Variants in MIDEAS observed in about 807,000 individuals in gnomAD.
The protein encoded by MIDEAS is mitotic deacetylase associated SANT domain protein.
In MIDEAS, 26 loss-of-function variants were observed where a neutral mutation model predicts 102.7. That is an observed-to-expected ratio of 0.25 (90% confidence interval 0.19 to 0.35). The LOEUF is 0.35. MIDEAS is among the 10% of genes least tolerant of loss of function. MIDEAS has a pLI of 1.00. For synonymous variants in MIDEAS, 585 were observed against 591.0 expected, an observed-to-expected ratio of 0.99 and a Z score of 0.15; for missense variants, 1,231 against 1,435.6, an observed-to-expected ratio of 0.86 and a Z score of 2.30.
intron 1 of MIDEAS, among the ~76,000 whole-genome samples, chr14:73,771,592 CAG>C (rs992232270): frequency 6.6e-6 from 1 of 152,172 alleles, no homozygotes; most frequent in African/African-American, 2.4e-5. Flanking sequence ...ACCAGATGTC[CAG>C]AGATTCTGAG....
At chr14:73,756,285 TGTGTGTGTGTGCGCGCGCGC>T (rs1241893706) in intron 1 of MIDEAS, among the ~76,000 whole-genome samples, 1 of 97,166 alleles carries the variant, frequency 1.0e-5, no homozygotes, top group Non-Finnish European at 2.1e-5. Context: ...TGTGTGTGTG[TGTGTGTGTGTGCGCGCGCGC>T]GTGCGCGCTG....
intron 1 of MIDEAS, among the ~76,000 whole-genome samples, chr14:73,746,195 C>T (rs1330791422): frequency 1.3e-5 from 2 of 152,232 alleles, no homozygotes; most frequent in African/African-American, 4.8e-5. Context: ...CCCCCATAGC[C>T]CCACAAATGC....
intron 1 of MIDEAS, among the ~76,000 whole-genome samples, chr14:73,752,418 C>T (rs376993968): frequency 6.6e-6 from 1 of 152,180 alleles, no homozygotes; most frequent in Non-Finnish European, 1.5e-5. Flanking sequence ...ACCAAGTCTT[C>T]ATCAACCCAG....
intron 1 of MIDEAS, among the ~76,000 whole-genome samples, chr14:73,775,179 G>A (rs995999161): frequency 6.6e-6 from 1 of 151,902 alleles, no homozygotes; most frequent in East Asian, 1.9e-4. Flanking sequence ...GAGGCCGGCT[G>A]GAACAAAAAG....
chr14:73,770,544 G>A (rs8009224), intron 1 of MIDEAS, among the ~76,000 whole-genome samples: 8,050 of 152,172 alleles, frequency 0.053, 400 homozygotes, highest in African/African-American at 0.14. Flanking sequence ...TGGTGCGGGG[G>A]AGTGCCTACA....
intron 1 of MIDEAS, among the ~76,000 whole-genome samples, chr14:73,748,027 G>A (rs1261720802): frequency 1.3e-5 from 2 of 152,166 alleles, no homozygotes; most frequent in African/African-American, 4.8e-5. Context: ...TAAGTCCATT[G>A]CAGGCAGCAT....
chr14:73,717,617 T>C lies in MIDEAS; in HGVS notation c.*1226A>G, dbSNP rs937618824. The C allele has an allele frequency of 2.6e-5, 4 of 152,554 alleles. No individual in the cohort carries two copies. Among genetic ancestry groups the C allele is most frequent in the Admixed American group, 2.0e-4 (3 of 15,266 alleles). The allele number at this position is 152,554 out of a possible 1,614,324, so 9.5% of individuals were successfully genotyped here. A position where few individuals can be genotyped will look rare whatever the true frequency, so the allele number is the denominator to read the frequency against. On this transcript the variant is annotated 3_prime_UTR_variant, in exon 13 of 13. Coordinates refer to ENST00000423556, the MANE Select transcript of MIDEAS (RefSeq NM_001367710.1). ...GAGGGACCTTAGGGCCTTGGGAATT[T>C]AGGGGGTGGGGATAGGGGATGTCAA...
chr14:73,747,613 G>C (rs2053368845), intron 1 of MIDEAS, among the ~76,000 whole-genome samples: 2 of 150,676 alleles, frequency 1.3e-5, no homozygotes, highest in African/African-American at 2.4e-5. Context: ...CGTCTGTGTG[G>C]ATGTCAAGCA....
At chr14:73,781,900 C>T (rs1198603260) in intron 1 of MIDEAS, among the ~76,000 whole-genome samples, 2 of 151,978 alleles carry the variant, frequency 1.3e-5, no homozygotes, top group African/African-American at 2.4e-5. Flanking sequence ...TTACTAAAAA[C>T]ACAAAAATTA....
At chr14:73,741,352 T>G (rs912590310) in intron 1 of MIDEAS, among the ~76,000 whole-genome samples, 1 of 151,910 alleles carries the variant, frequency 6.6e-6, no homozygotes, top group African/African-American at 2.4e-5. Flanking sequence ...CTCAGAGTGA[T>G]GTTTGGGTTT....
intron 4 of MIDEAS, chr14:73,728,650 T>TA (rs1256587804): frequency 1.3e-5 from 2 of 152,446 alleles, no homozygotes; most frequent in African/African-American, 4.8e-5. Flanking sequence ...AAGGCTTTCA[T>TA]GTCAACTCCC....
At chr14:73,765,349 A>C (rs2053584906) in intron 1 of MIDEAS, among the ~76,000 whole-genome samples, 1 of 152,226 alleles carries the variant, frequency 6.6e-6, no homozygotes, top group Non-Finnish European at 1.5e-5. Context: ...CTTGGCTCAC[A>C]CTAGCTTGAT....
In MIDEAS at chr14:73,719,359, GTC is replaced by G; in HGVS notation, c.3078_3079del (p.Glu1026AspfsTer4). 4 of 1,613,940 alleles carry G rather than the reference GTC, an allele frequency of 2.5e-6. No individual in the cohort carries two copies. The highest frequency in any genetic ancestry group is 3.4e-6 in the Non-Finnish European group (4 of 1,179,982). On this transcript the variant is annotated frameshift_variant, in exon 12 of 13. Transcript: ENST00000423556. LOFTEE classifies it high-confidence loss of function. ...CTCCTGATTCTGGGTCTTACTGAATGTCTCTGTTTTTTTCTTCTTCTCTGAAA... is the reference window on the plus strand; with the variant it reads ...CTCCTGATTCTGGGTCTTACTGAATGTCTGTTTTTTTCTTCTTCTCTGAAA...
intron 7 of MIDEAS, 140 bp from the exon 8 acceptor site, chr14:73,726,248 T>C (rs2053059406): frequency 1.3e-5 from 10 of 749,204 alleles, no homozygotes; most frequent in Non-Finnish European, 1.8e-5. Context: ...AGGGGTCCAC[T>C]GGGGTGGTGA....
At chr14:73,748,352 C>T (rs2053379550) in intron 1 of MIDEAS, among the ~76,000 whole-genome samples, 1 of 152,148 alleles carries the variant, frequency 6.6e-6, no homozygotes, top group African/African-American at 2.4e-5. Context: ...ACACCCTTTA[C>T]ATTCAGAGAT....
At chr14:73,774,969 C>A (rs530047967) in intron 1 of MIDEAS, among the ~76,000 whole-genome samples, 2 of 152,158 alleles carry the variant, frequency 1.3e-5, no homozygotes, top group Non-Finnish European at 1.5e-5. Flanking sequence ...ACCCCAGCAT[C>A]CTGCAGGGGG....
intron 2 of MIDEAS, 106 bp downstream of exon 2, chr14:73,738,454 T>A: frequency 7.3e-7 from 1 of 1,375,154 alleles, no homozygotes; most frequent in East Asian, 2.6e-5. Context: ...GGCAGCTGGC[T>A]AGGGCAAAGT....
upstream of MIDEAS, among the ~76,000 whole-genome samples, chr14:73,789,470 C>T (rs2053849124): frequency 6.6e-6 from 1 of 152,164 alleles, no homozygotes; most frequent in South Asian, 2.1e-4. Context: ...TCCCTCGGGC[C>T]CTTCAGGCAG....
At chr14:73,747,687 T>C (rs962922399) in intron 1 of MIDEAS, among the ~76,000 whole-genome samples, 3 of 76,946 alleles carry the variant, frequency 3.9e-5, no homozygotes, top group African/African-American at 9.8e-5. Context: ...ATGGGTCTGG[T>C]GGGGTGGGGG....
Sources: allele counts gnomAD v4.1 joint callset (sites outside exome capture counted in the v4.1 genomes callset), GRCh38; gene constraint gnomAD v4.1.1; transcripts MANE v1.5; gene names NCBI Gene and HGNC (gene_info 2026-07-23, HGNC 2026-07-21).